Variants in PRIM2 observed in about 807,000 individuals in gnomAD.
The protein encoded by PRIM2 is DNA primase subunit 2.
Under a neutral mutation model 67.3 loss-of-function variants are expected in PRIM2, and 39 were observed. The observed-to-expected ratio is 0.58, with a 90% CI of 0.45 to 0.76. The LOEUF (loss-of-function observed/expected upper bound fraction) is 0.76. PRIM2 is among the 30% of genes least tolerant of loss of function. The pLI, the probability that PRIM2 is intolerant of heterozygous loss-of-function variation, is 0.00. For missense variants in PRIM2, 398 were observed against 598.7 expected (o/e 0.66, Z 3.50); for synonymous variants, 143 against 198.7 (o/e 0.72, Z 2.36).
intron 5 of PRIM2, among the ~76,000 whole-genome samples, chr6:57,374,992 T>C (rs1299679648): frequency 1.7e-4 from 26 of 152,402 alleles, no homozygotes; most frequent in Admixed American, 3.3e-4. Context: ...TTTCTAGATA[T>C]AGGATGATGT....
chr6:57,337,157 T>C (rs147862416), intron 5 of PRIM2, among the ~76,000 whole-genome samples: 8,472 of 152,180 alleles, frequency 0.056, 753 homozygotes, highest in African/African-American at 0.19. Context: ...TAAGAAGAGC[T>C]AACTATCCTA....
At chr6:57,368,875 A>T (rs1288902851) in intron 5 of PRIM2, among the ~76,000 whole-genome samples, 1 of 152,192 alleles carries the variant, frequency 6.6e-6, no homozygotes, top group African/African-American at 2.4e-5. Context: ...CTGTGTCTTC[A>T]TGGGCCAGCT....
the PRIM2 span, among the ~76,000 whole-genome samples, chr6:57,237,750 G>T: frequency 1.3e-5 from 2 of 152,064 alleles, no homozygotes; most frequent in Non-Finnish European, 2.9e-5. Flanking sequence ...ATTTCTGAGG[G>T]CTCTGTTCTG....
chr6:57,335,712 A>G (rs1168818438), intron 5 of PRIM2, among the ~76,000 whole-genome samples: 1 of 152,174 alleles, frequency 6.6e-6, no homozygotes, highest in Non-Finnish European at 1.5e-5. Context: ...ACCCATCTGT[A>G]CACCATCATC....
At chr6:57,323,305 A>G (rs1767724302) in intron 3 of PRIM2, among the ~76,000 whole-genome samples, 1 of 152,086 alleles carries the variant, frequency 6.6e-6, no homozygotes, top group Admixed American at 6.5e-5. Context: ...AGGACTGCAG[A>G]GTGTAGTTGT....
chr6:57,276,749 A>G, the PRIM2 span, among the ~76,000 whole-genome samples: 1 of 152,058 alleles, frequency 6.6e-6, no homozygotes, highest in East Asian at 1.9e-4. Flanking sequence ...ATAGAAAAAA[A>G]TTAGCTGGGC....
intron 5 of PRIM2, among the ~76,000 whole-genome samples, chr6:57,372,804 A>G (rs959020036): frequency 2.6e-5 from 4 of 152,186 alleles, no homozygotes; most frequent in Admixed American, 6.5e-5. Context: ...TTAAGGCTGC[A>G]TAGTATTCCG....
chr6:57,326,149 C>T, intron 5 of PRIM2, 104 bp downstream of exon 5: 3 of 1,280,046 alleles, frequency 2.3e-6, no homozygotes, highest in Non-Finnish European at 3.2e-6. Flanking sequence ...TTACATTCTC[C>T]AAGTACCTGC....
the PRIM2 span, among the ~76,000 whole-genome samples, chr6:57,231,899 G>A: frequency 2.0e-4 from 30 of 150,832 alleles, no homozygotes; most frequent in Non-Finnish European, 2.9e-4. Context: ...TATCCCAAAC[G>A]CTAGGGAAAA....
intron 7 of PRIM2, among the ~76,000 whole-genome samples, chr6:57,409,161 T>A (rs1770999216): frequency 6.6e-6 from 1 of 151,946 alleles, no homozygotes; most frequent in African/African-American, 2.4e-5. Flanking sequence ...AAAACTGCTG[T>A]GAATATTTGG....
At chr6:57,357,637 A>G (rs1279696258) in intron 5 of PRIM2, among the ~76,000 whole-genome samples, 2 of 142,624 alleles carry the variant, frequency 1.4e-5, no homozygotes, top group East Asian at 4.1e-4. Flanking sequence ...CTTGTTGCCC[A>G]GGCTGGAGTG....
chr6:57,492,555 T>A (rs1554346080), intron 7 of PRIM2, among the ~76,000 whole-genome samples: 7,989 of 145,708 alleles, frequency 0.055, 528 homozygotes, highest in African/African-American at 0.18. Context: ...AAAAAAAAAA[T>A]AAATAAATAA....
chr6:57,578,536 T>A (rs1776003636), intron 10 of PRIM2, among the ~76,000 whole-genome samples: 1 of 152,234 alleles, frequency 6.6e-6, no homozygotes. Context: ...CATTCATGGA[T>A]ATGTATTTCA....
intron 10 of PRIM2, among the ~76,000 whole-genome samples, chr6:57,552,904 A>G (rs1775432632): frequency 6.6e-6 from 1 of 152,136 alleles, no homozygotes; most frequent in African/African-American, 2.4e-5. Flanking sequence ...TTTCAAAACA[A>G]CACTGTGATG....
At position 57,540,578 on chromosome 6, in the gene PRIM2, C is replaced by T. The variant is rs1358394906; in HGVS notation, c.1020+2953C>T. 9.7e-3 allele frequency among the ~76,000 whole-genome samples: 1,475 copies of T among 151,480 alleles called. 24 individuals are homozygous for T. The highest frequency in any genetic ancestry group is 0.033 in the African/African-American group (1,380 of 41,222). Reference sequence around the variant, plus strand: ...GATGAACCACATAGCCTAGAAATATCGAAAAAGGTAAGAAAAAATTAAGTA... The same window carrying T: ...GATGAACCACATAGCCTAGAAATATTGAAAAAGGTAAGAAAAAATTAAGTA... On this transcript the variant is annotated intron_variant, in intron 10 of 13. Coordinates refer to ENST00000615550, the MANE Select transcript of PRIM2 (RefSeq NM_000947.5).
chr6:57,305,530 G>T, the PRIM2 span, among the ~76,000 whole-genome samples: 3 of 152,214 alleles, frequency 2.0e-5, no homozygotes, highest in South Asian at 4.1e-4. Context: ...AGCAACTGAT[G>T]TTGCCAGGAT....
In PRIM2 at chr6:57,639,699, C is replaced by A. The variant is rs1326859366; in HGVS notation, c.1300-6229C>A. ...ACTAAACCAGGAAGAAGTCAAATCCCTGAATAGACTAATAACAGGTTCTGA... is the reference window on the plus strand; with the variant it reads ...ACTAAACCAGGAAGAAGTCAAATCCATGAATAGACTAATAACAGGTTCTGA... On this transcript the variant is annotated intron_variant, in intron 13 of 13. Transcript: ENST00000615550. Among the ~76,000 whole-genome samples the A allele has an allele frequency of 4.1e-5, 6 of 147,496 alleles. No individual in the cohort carries two copies. In the East Asian group the frequency reaches 1.2e-3, roughly 29 times the overall value.
intron 7 of PRIM2, among the ~76,000 whole-genome samples, chr6:57,458,309 A>T (rs1772878441): frequency 6.6e-6 from 1 of 152,192 alleles, no homozygotes; most frequent in Non-Finnish European, 1.5e-5. Flanking sequence ...CTTATATTTC[A>T]TTGATCAAAG....
intron 7 of PRIM2, among the ~76,000 whole-genome samples, chr6:57,421,735 A>G (rs1311000352): frequency 6.6e-6 from 1 of 152,136 alleles, no homozygotes; most frequent in Non-Finnish European, 1.5e-5. Context: ...AAGCTTGACT[A>G]TTGGTGGTTA....
Sources: gnomAD v4.1 joint callset for allele counts (sites outside exome capture counted in the v4.1 genomes callset) on GRCh38, gnomAD v4.1.1 for gene constraint, MANE v1.5 for transcripts, NCBI Gene and HGNC (gene_info 2026-07-23, HGNC 2026-07-21) for gene names.